TAFA1: variants seen among roughly 807,000 people sequenced by gnomAD.
TAFA1 encodes the protein chemokine-like protein TAFA-1.
A neutral mutation model predicts 18.5 loss-of-function variants in TAFA1; 4 were observed. The ratio of observed to expected loss-of-function variants is 0.22; its 90% CI spans 0.11 to 0.49. TAFA1 has a LOEUF of 0.49. Ranked by LOEUF, TAFA1 falls within the 20% of genes least tolerant of loss-of-function variation. The pLI is 0.98. For synonymous variants in TAFA1, 56 were observed against 55.2 expected (o/e 1.01, Z -0.06); for missense variants, 147 against 169.0 (o/e 0.87, Z 0.72).
chr3:68,414,144 A>T (rs1471067693), intron 2 of TAFA1, among the ~76,000 whole-genome samples: 1 of 152,154 alleles, frequency 6.6e-6, no homozygotes, highest in East Asian at 1.9e-4. Flanking sequence ...GTCTCTACTA[A>T]CAATACAAAA....
intron 2 of TAFA1, among the ~76,000 whole-genome samples, chr3:68,404,372 A>C (rs1559654332): frequency 1.3e-5 from 2 of 152,202 alleles, no homozygotes; most frequent in African/African-American, 4.8e-5. Context: ...TAAGCAAAAC[A>C]CTAATTTAGT....
rs989481896 is a variant in TAFA1 at position 68,330,240 on chromosome 3, C to T, written c.119-87040C>T. On this transcript the variant is annotated intron_variant, in intron 2 of 4. Coordinates refer to ENST00000478136, the MANE Select transcript of TAFA1 (RefSeq NM_213609.4). ...TCCAGGCTTCTTCTAAGAAACCTCA[C>T]TTCAGATTCTGGTTCAGTTTGGGTT... 2.0e-5 allele frequency among the ~76,000 whole-genome samples: 3 copies of T among 152,324 alleles called. No individual in the cohort carries two copies. In the East Asian group the frequency reaches 5.8e-4, roughly 29 times the overall value.
chr3:68,025,524 G>C (rs940265640), intron 2 of TAFA1, among the ~76,000 whole-genome samples: 1 of 152,142 alleles, frequency 6.6e-6, no homozygotes, highest in African/African-American at 2.4e-5. Context: ...TATTATTTCA[G>C]GGTAAGAGTC....
At chr3:68,171,389 A>T (rs4241393) in intron 2 of TAFA1, among the ~76,000 whole-genome samples, 8 of 151,982 alleles carry the variant, frequency 5.3e-5, no homozygotes, top group Admixed American at 2.6e-4. Context: ...GGTGAGACAC[A>T]TTTTAGACTT....
chr3:67,994,137 T>A, the TAFA1 span, among the ~76,000 whole-genome samples: 1 of 152,214 alleles, frequency 6.6e-6, no homozygotes, highest in Non-Finnish European at 1.5e-5. Flanking sequence ...GCTGAGACTA[T>A]ATATTTCTAG....
intron 2 of TAFA1, among the ~76,000 whole-genome samples, chr3:68,281,515 G>C (rs2067896905): frequency 6.8e-6 from 1 of 146,416 alleles, no homozygotes; most frequent in Admixed American, 6.9e-5. Flanking sequence ...TGTTGCCCAG[G>C]CTGGAGTACA....
At chr3:68,128,491 A>C (rs1480531429) in intron 2 of TAFA1, among the ~76,000 whole-genome samples, 1 of 152,198 alleles carries the variant, frequency 6.6e-6, no homozygotes, top group Non-Finnish European at 1.5e-5. Context: ...AAGGTCAAAA[A>C]CTGATTTCCT....
At chr3:68,421,052 A>T (rs1299657322) in intron 3 of TAFA1, among the ~76,000 whole-genome samples, 3 of 152,178 alleles carry the variant, frequency 2.0e-5, no homozygotes, top group African/African-American at 7.2e-5. Flanking sequence ...ATCTCTAATG[A>T]TCTAGAAATA....
chr3:68,239,788 C>A (rs180916711), intron 2 of TAFA1, among the ~76,000 whole-genome samples: 28 of 152,258 alleles, frequency 1.8e-4, no homozygotes, highest in Middle Eastern at 3.4e-3. Context: ...ATCCCTCAGA[C>A]AATTAGTCAG....
intron 2 of TAFA1, among the ~76,000 whole-genome samples, chr3:68,227,207 A>G (rs974302978): frequency 1.1e-4 from 17 of 152,222 alleles, no homozygotes; most frequent in African/African-American, 4.1e-4. Context: ...TCACATAAAA[A>G]TTTGTATTTC....
chr3:68,235,054 A>G (rs533702317), intron 2 of TAFA1, among the ~76,000 whole-genome samples: 7 of 152,224 alleles, frequency 4.6e-5, no homozygotes, highest in Admixed American at 2.0e-4. Flanking sequence ...CGTTTGCTGG[A>G]GTTCTGAAGG....
At chr3:68,145,269 T>A (rs1272358504) in intron 2 of TAFA1, 2 of 788,372 alleles carry the variant, frequency 2.5e-6, no homozygotes, top group Admixed American at 1.7e-5. Context: ...TTCCCTGGGA[T>A]CTATACAACC....
chr3:68,303,267 A>T (rs1479045916), intron 2 of TAFA1, among the ~76,000 whole-genome samples: 2 of 152,176 alleles, frequency 1.3e-5, no homozygotes, highest in Non-Finnish European at 2.9e-5. Flanking sequence ...CTTTTAATCG[A>T]ATTTATAGAT....
intron 2 of TAFA1, among the ~76,000 whole-genome samples, chr3:68,309,747 A>T (rs1483528045): frequency 6.6e-6 from 1 of 152,232 alleles, no homozygotes; most frequent in Non-Finnish European, 1.5e-5. Flanking sequence ...AGTTGAACAG[A>T]TGGGAAGGAT....
rs76274827 is a variant in TAFA1 at position 68,252,572 on chromosome 3, G to A, written c.119-164708G>A. On this transcript the variant is annotated intron_variant, in intron 2 of 4. Transcript: ENST00000478136. ...CCACCACTCTGTAAAATCAGACATCGTCAGGCATCTCTCTTATCATTGGAG... is the reference window on the plus strand; with the variant it reads ...CCACCACTCTGTAAAATCAGACATCATCAGGCATCTCTCTTATCATTGGAG... Among the ~76,000 whole-genome samples, 80 of 152,236 alleles carry A rather than the reference G, an allele frequency of 5.3e-4. 1 individual carries two copies. Among genetic ancestry groups the A allele is most frequent in the African/African-American group, 1.8e-3 (76 of 41,534 alleles).
intron 2 of TAFA1, among the ~76,000 whole-genome samples, chr3:68,093,258 A>C (rs1043119763): frequency 4.6e-5 from 7 of 151,986 alleles, no homozygotes; most frequent in Admixed American, 3.9e-4. Flanking sequence ...ATGTCTCTCA[A>C]ATTCACAGCT....
chr3:68,052,900 A>G (rs2064489533), intron 2 of TAFA1, among the ~76,000 whole-genome samples: 1 of 152,206 alleles, frequency 6.6e-6, no homozygotes, highest in African/African-American at 2.4e-5. Flanking sequence ...TCAAATTAGA[A>G]CTGGATTTAC....
chr3:68,498,946 A>C (rs1318941428), intron 3 of TAFA1, among the ~76,000 whole-genome samples: 1 of 151,980 alleles, frequency 6.6e-6, no homozygotes, highest in Non-Finnish European at 1.5e-5. Context: ...TCTCCAGCAA[A>C]AGGGATTTTT....
chr3:68,177,138 A>C (rs756264570), intron 2 of TAFA1, among the ~76,000 whole-genome samples: 10 of 152,218 alleles, frequency 6.6e-5, no homozygotes, highest in Non-Finnish European at 1.0e-4. Flanking sequence ...TTAAAAGAGA[A>C]AAGGAGTAAT....
Sources: gnomAD v4.1 joint callset for allele counts (sites outside exome capture counted in the v4.1 genomes callset) on GRCh38, gnomAD v4.1.1 for gene constraint, MANE v1.5 for transcripts, NCBI Gene and HGNC (gene_info 2026-07-23, HGNC 2026-07-21) for gene names.